XKR4: variants seen among roughly 807,000 people sequenced by gnomAD.
XKR4 encodes the protein XK-related protein 4.
XKR4 carries 12 observed loss-of-function variants against 53.9 expected under a neutral mutation model. The observed-to-expected ratio is 0.22, with a 90% CI of 0.14 to 0.36. The LOEUF is 0.36. Ranked by LOEUF, XKR4 falls within the 10% of genes least tolerant of loss-of-function variation. The pLI, the probability that XKR4 is intolerant of heterozygous loss-of-function variation, is 1.00. For synonymous variants in XKR4, 354 were observed against 362.4 expected, an observed-to-expected ratio of 0.98 and a Z score of 0.26; for missense variants, 799 against 859.5, an observed-to-expected ratio of 0.93 and a Z score of 0.88.
intron 2 of XKR4, among the ~76,000 whole-genome samples, chr8:55,520,599 T>A (rs912966530): frequency 2.6e-5 from 4 of 152,084 alleles, no homozygotes; most frequent in Non-Finnish European, 4.4e-5. Context: ...ATCATCATCA[T>A]CAACAAAGGA....
In XKR4 at chr8:55,524,336, A is replaced by G; in HGVS notation, c.*109A>G. ...CAGGGCAGTGAGCCGTGAAGTTCCT[A>G]GTGGGACCGTCATCACCATTATCAT... On this transcript the variant is annotated 3_prime_UTR_variant, in exon 3 of 3. Transcript: ENST00000327381. The G allele has an allele frequency of 9.2e-7, 1 of 1,083,684 alleles. No individual in the cohort carries two copies. Among genetic ancestry groups the G allele is most frequent in the Non-Finnish European group, 1.3e-6 (1 of 763,656 alleles). The allele number at this position is 1,083,684 out of a possible 1,614,324, so 67.1% of individuals were successfully genotyped here.
chr8:55,284,973 A>G (rs1378806720), intron 1 of XKR4, among the ~76,000 whole-genome samples: 1 of 152,166 alleles, frequency 6.6e-6, no homozygotes, highest in African/African-American at 2.4e-5. Flanking sequence ...AGTCACTGCA[A>G]TCTCTCGCTT....
At chr8:55,207,730 A>AGAGGAGGAAGAG (rs149972315) in intron 1 of XKR4, among the ~76,000 whole-genome samples, 43 of 150,012 alleles carry the variant, frequency 2.9e-4, no homozygotes, top group Admixed American at 5.3e-4. Context: ...CTCATAAAGA[A>AGAGGAGGAAGAG]GAGGAGGAAG....
At chr8:55,199,287 C>T (rs1323041885) in intron 1 of XKR4, among the ~76,000 whole-genome samples, 1 of 152,150 alleles carries the variant, frequency 6.6e-6, no homozygotes, top group Admixed American at 6.5e-5. Context: ...CCCTAGATTG[C>T]TAAACTGCAT....
chr8:55,166,220 T>A (rs1257231516), intron 1 of XKR4, among the ~76,000 whole-genome samples: 1 of 152,210 alleles, frequency 6.6e-6, no homozygotes, highest in Non-Finnish European at 1.5e-5. Flanking sequence ...TATATTTGGT[T>A]ATAGAAGGTA....
chr8:55,349,795 A>G (rs1803700999), intron 1 of XKR4, among the ~76,000 whole-genome samples: 1 of 152,252 alleles, frequency 6.6e-6, no homozygotes, highest in Middle Eastern at 3.2e-3. Context: ...AAGGACACTT[A>G]TCACTACCAA....
chr8:55,449,134 C>A (rs1488729575), intron 2 of XKR4, among the ~76,000 whole-genome samples: 2 of 150,712 alleles, frequency 1.3e-5, no homozygotes, highest in African/African-American at 2.4e-5. Flanking sequence ...AAGGTGATAA[C>A]AAATTGAGAT....
At chr8:55,384,637 G>A (rs973756159) in intron 2 of XKR4, among the ~76,000 whole-genome samples, 2 of 152,210 alleles carry the variant, frequency 1.3e-5, no homozygotes, top group African/African-American at 4.8e-5. Flanking sequence ...TATTCTGACT[G>A]GGGGAGAAGG....
chr8:55,462,500 G>T (rs1805678227), intron 2 of XKR4, among the ~76,000 whole-genome samples: 1 of 152,170 alleles, frequency 6.6e-6, no homozygotes, highest in Non-Finnish European at 1.5e-5. Context: ...GGAACAACCG[G>T]TACCAGCCAC....
chr8:55,294,846 T>C (rs1235395545), intron 1 of XKR4, among the ~76,000 whole-genome samples: 2 of 152,168 alleles, frequency 1.3e-5, no homozygotes, highest in Non-Finnish European at 2.9e-5. Flanking sequence ...CTTAATACCA[T>C]GGGGGAAAGA....
chr8:55,414,637 T>C (rs1462348492), intron 2 of XKR4, among the ~76,000 whole-genome samples: 1 of 151,812 alleles, frequency 6.6e-6, no homozygotes, highest in Admixed American at 6.6e-5. Context: ...GAAAGGACAT[T>C]TCACAAGTGC....
chr8:55,399,155 C>A (rs1804562758), intron 2 of XKR4, among the ~76,000 whole-genome samples: 1 of 152,190 alleles, frequency 6.6e-6, no homozygotes, highest in South Asian at 2.1e-4. Context: ...TCTCTTCTGA[C>A]ACTGACTTCC....
At position 55,523,324 on chromosome 8, in the gene XKR4, G is replaced by T; in HGVS notation, c.1050G>T (p.Leu350Phe). ...AASLVSLAWA[L>F]ASYQKALRDS... ...CCCTCGTGTCCCTGGCCTGGGCCTT[G>T]GCCTCCTACCAGAAGGCCCTCCGGG... The change falls in exon 3 of 3, where the codon TTG (leucine) becomes TTT (phenylalanine). Residue 350 changes from leucine to phenylalanine, a missense_variant. By Grantham distance (22) the Leu-to-Phe change is conservative. Around this residue, in one of 3 missense-constraint regions of XKR4, gnomAD observed 476 missense variants for 505.4 expected, o/e 0.94. Coordinates refer to ENST00000327381, the MANE Select transcript of XKR4 (RefSeq NM_052898.2). 2 of 1,613,856 alleles carry T rather than the reference G, an allele frequency of 1.2e-6. No homozygotes were observed. The highest frequency in any genetic ancestry group is 1.7e-6 in the Non-Finnish European group (2 of 1,179,840).
intron 1 of XKR4, among the ~76,000 whole-genome samples, chr8:55,189,298 G>A (rs373233020): frequency 6.6e-6 from 1 of 152,138 alleles, no homozygotes; most frequent in East Asian, 1.9e-4. Context: ...TCCTTTCAAA[G>A]ATGTAGTTCT....
chr8:55,405,264 G>A (rs540695535), intron 2 of XKR4, among the ~76,000 whole-genome samples: 1 of 152,280 alleles, frequency 6.6e-6, no homozygotes, highest in South Asian at 2.1e-4. Context: ...GCCTGGATGG[G>A]CAAGCTGAGA....
rs549119665 is a variant in XKR4, at chr8:55,306,825, A to G, written c.807-50853A>G. Among the ~76,000 whole-genome samples the G allele has an allele frequency of 2.7e-4, 41 of 152,318 alleles. 2 individuals carry two copies. The South Asian group carries it at 7.7e-3, about 28-fold the overall frequency. On this transcript the variant is annotated intron_variant, in intron 1 of 2. Coordinates refer to ENST00000327381, the MANE Select transcript of XKR4 (RefSeq NM_052898.2). ...AGGTACAAAGGCAATTCAATGACAG[A>G]AAGATAGCCTTGGAGATGGAGCAAT...
chr8:55,259,443 T>C (rs551468394), intron 1 of XKR4, among the ~76,000 whole-genome samples: 1 of 152,240 alleles, frequency 6.6e-6, no homozygotes, highest in East Asian at 1.9e-4. Flanking sequence ...GTTGCTGAGG[T>C]ACAGAGAATG....
chr8:55,122,152 A>T (rs1213443289), intron 1 of XKR4, among the ~76,000 whole-genome samples: 1 of 152,244 alleles, frequency 6.6e-6, no homozygotes, highest in African/African-American at 2.4e-5. Context: ...TAAAGCCAAC[A>T]AATAAGATGG....
At position 55,498,279 on chromosome 8, in the gene XKR4, G is replaced by A. The variant is rs531685870; in HGVS notation, c.1007-25002G>A. On this transcript the variant is annotated intron_variant, in intron 2 of 2. Transcript: ENST00000327381. ...ACCCGGTCCCACTGCTAGGGAAGACGGATCCCCATGGTCGCCTTCCGTCCC... is the reference window on the plus strand; with the variant it reads ...ACCCGGTCCCACTGCTAGGGAAGACAGATCCCCATGGTCGCCTTCCGTCCC... 1.1e-4 allele frequency among the ~76,000 whole-genome samples: 17 copies of A among 152,334 alleles called. 2 individuals are homozygous for A. In the South Asian group the frequency reaches 2.5e-3, roughly 22 times the overall value.
Sources: allele counts gnomAD v4.1 joint callset (sites outside exome capture counted in the v4.1 genomes callset), GRCh38; gene constraint gnomAD v4.1.1; regional missense constraint gnomAD v4.1.1; transcripts MANE v1.5; gene names NCBI Gene and HGNC (gene_info 2026-07-23, HGNC 2026-07-21).